The following DROSHA variants were observed in gnomAD, a reference collection of about 807,000 sequenced individuals.
The protein encoded by DROSHA is drosha ribonuclease III, also known as ribonuclease 3.
In DROSHA, 56 loss-of-function variants were observed where a neutral mutation model predicts 181.9. The ratio of observed to expected loss-of-function variants is 0.31; its 90% confidence interval spans 0.25 to 0.38. The LOEUF (loss-of-function observed/expected upper bound fraction) is 0.38. Ranked by LOEUF, DROSHA falls within the 10% of genes least tolerant of loss-of-function variation. DROSHA has a pLI of 1.00. For missense variants in DROSHA, 1,218 were observed against 1,743.5 expected (o/e 0.70, Z 5.37); for synonymous variants, 524 against 591.2 (o/e 0.89, Z 1.65).
Position 31,435,748 on chromosome 5 carries a change from G to C in DROSHA, c.3042+17C>G, listed in dbSNP as rs369720521. ...CATGTCAGACGTAACTACAAATGCT[G>C]CAGATGTCTTCTATACCTTTGCTAG... is the stretch of plus-strand genomic sequence containing the variant. On this transcript the variant is annotated intron_variant, in intron 25 of 35. Transcript: ENST00000344624. 7.2e-5 allele frequency: 116 copies of C among 1,608,290 alleles called. No homozygotes were observed. In the African/African-American group the frequency reaches 1.4e-3, roughly 19 times the overall value.
intron 27 of DROSHA, 36 bp from the exon 28 acceptor site, chr5:31,424,507 A>C: frequency 6.4e-7 from 1 of 1,573,014 alleles, no homozygotes; most frequent in Non-Finnish European, 8.6e-7. Context: ...TGCTCAAGGG[A>C]GCCATTTAAC....
intron 20 of DROSHA, 113 bp downstream of exon 20, chr5:31,464,123 G>C (rs1748746873): frequency 1.1e-6 from 1 of 869,812 alleles, no homozygotes; most frequent in South Asian, 1.7e-5. Context: ...ATTCCATTTA[G>C]TCTCAAGGTA....
At chr5:31,415,066 A>T (rs528897669) in intron 30 of DROSHA, among the ~76,000 whole-genome samples, 12 of 152,368 alleles carry the variant, frequency 7.9e-5, no homozygotes, top group African/African-American at 2.2e-4. Context: ...CCAGCATAGC[A>T]GTCTTTCATC....
At chr5:31,427,753 C>T (rs1031285330) in intron 27 of DROSHA, among the ~76,000 whole-genome samples, 11 of 152,154 alleles carry the variant, frequency 7.2e-5, no homozygotes, top group Non-Finnish European at 1.0e-4. Flanking sequence ...CAGGTTTGTC[C>T]CTGGCTGTCT....
chr5:31,439,109 AATG>A (rs1290597038), intron 23 of DROSHA, among the ~76,000 whole-genome samples: 1 of 152,190 alleles, frequency 6.6e-6, no homozygotes, highest in African/African-American at 2.4e-5. Flanking sequence ...AGGCTGGAGA[AATG>A]ATAAGTTGTA....
chr5:31,424,331 CA>C, intron 28 of DROSHA, 95 bp downstream of exon 28: 1 of 1,463,098 alleles, frequency 6.8e-7, no homozygotes, highest in Non-Finnish European at 9.3e-7. Context: ...CGAAGAGAAT[CA>C]AAAGATAAAA....
intron 16 of DROSHA, among the ~76,000 whole-genome samples, chr5:31,472,867 A>G (rs530600205): frequency 1.3e-5 from 2 of 152,366 alleles, no homozygotes; most frequent in East Asian, 1.9e-4. Flanking sequence ...CACCAAGTAC[A>G]GGGGATAAAA....
rs901825472 is a variant in DROSHA, at chr5:31,514,853, AGCCCAGAGATGCC to A, written c.1290+122_1290+134del. 4.1e-5 allele frequency: 31 copies of A among 752,342 alleles called. No individual in the cohort carries two copies. Among genetic ancestry groups the A allele is most frequent in the Non-Finnish European group, 6.1e-5 (29 of 472,560 alleles). 46.6% of individuals were successfully genotyped at this position (752,342 alleles called of 1,614,324 possible). A position where few individuals can be genotyped will look rare whatever the true frequency, so the allele number is the denominator to read the frequency against. ...GGTACTACTGGCATCTAACAGGTAG[AGCCCAGAGATGCC>A]GCTAAACATCCTACAATGCATAGGG... On this transcript the variant is annotated intron_variant, in intron 8 of 35. Transcript: ENST00000344624. The surrounding 1 kb of genome is among the most constrained non-coding windows in gnomAD (Gnocchi z 4.4).
intron 20 of DROSHA, among the ~76,000 whole-genome samples, chr5:31,453,673 C>T (rs1747300207): frequency 6.6e-6 from 1 of 152,120 alleles, no homozygotes; most frequent in South Asian, 2.1e-4. Context: ...TCATGTAAAA[C>T]AGCTTTGAAT....
chr5:31,508,751 T>A lies in DROSHA; in HGVS notation c.1457A>T (p.Glu486Val), dbSNP rs1011317643. Residue 486 changes from glutamate to valine, a missense_variant, in exon 10 of 36, where the codon GAG becomes GTG. By Grantham distance (121) the Glu-to-Val change is moderately radical (BLOSUM62 -2). Coordinates refer to ENST00000344624, the MANE Select transcript of DROSHA (RefSeq NM_001382508.1). ...AGAACAGGTGCTGTCCTCATCAGAC[T>A]CACACTCGGATTCACTGGAACTCTC... Reference protein sequence around the residue: ...DLESSSESECESDEDSTCSSS... With the variant: ...DLESSSESECVSDEDSTCSSS... 3 of 1,613,720 alleles carry A rather than the reference T, an allele frequency of 1.9e-6. No individual in the cohort carries two copies. Among genetic ancestry groups the A allele is most frequent in the Non-Finnish European group, 8.5e-7 (1 of 1,179,834 alleles).
At chr5:31,486,639 C>G in intron 13 of DROSHA, 77 bp from the exon 14 acceptor site, 1 of 1,307,196 alleles carries the variant, frequency 7.6e-7, no homozygotes, top group Non-Finnish European at 1.1e-6. Flanking sequence ...GTTACCTGAC[C>G]CAAAAGGCCA....
intron 7 of DROSHA, 106 bp downstream of exon 7, chr5:31,515,348 T>C: frequency 8.7e-7 from 1 of 1,147,500 alleles, no homozygotes. Context: ...GTGTGTACTT[T>C]TGTTAAACCA....
intron 33 of DROSHA, among the ~76,000 whole-genome samples, chr5:31,407,360 CCACATCTGAATGCTTT>C (rs1482778757): frequency 6.6e-6 from 1 of 152,160 alleles, no homozygotes; most frequent in Non-Finnish European, 1.5e-5. Context: ...ACACTTCAAG[CCACATCTGAATGCTTT>C]CACATCCTTT....
At chr5:31,444,369 G>A (rs1746007251) in intron 23 of DROSHA, among the ~76,000 whole-genome samples, 1 of 152,134 alleles carries the variant, frequency 6.6e-6, no homozygotes, top group African/African-American at 2.4e-5. Context: ...AATGTCAAAG[G>A]ACAAGAGAGA....
At chr5:31,439,144 C>T (rs1745238177) in intron 23 of DROSHA, among the ~76,000 whole-genome samples, 1 of 152,170 alleles carries the variant, frequency 6.6e-6, no homozygotes, top group Admixed American at 6.5e-5. Flanking sequence ...AACAGCCCTC[C>T]CATACCCATG....
At chr5:31,526,028 C>T in intron 5 of DROSHA, 51 bp downstream of exon 5, 1 of 1,481,062 alleles carries the variant, frequency 6.8e-7, no homozygotes, top group South Asian at 1.4e-5. Context: ...TGGAGAATGA[C>T]CGTGCCTGGG....
At chr5:31,458,366 T>C (rs977730666) in intron 20 of DROSHA, among the ~76,000 whole-genome samples, 1 of 152,218 alleles carries the variant, frequency 6.6e-6, no homozygotes, top group Non-Finnish European at 1.5e-5. Context: ...TTGTATGTTA[T>C]GGAATAAATC....
chr5:31,515,397 C>A, intron 7 of DROSHA, 57 bp downstream of exon 7: 1 of 1,049,836 alleles, frequency 9.5e-7, no homozygotes, highest in South Asian at 1.5e-5. Flanking sequence ...TCAGAATCAC[C>A]TGAAGTTTAC....
intron 24 of DROSHA, among the ~76,000 whole-genome samples, 167 bp from the exon 25 acceptor site, chr5:31,436,031 T>C (rs1744741855): frequency 6.6e-6 from 1 of 152,196 alleles, no homozygotes; most frequent in South Asian, 2.1e-4. Context: ...GTAAGAACAG[T>C]ATATCTGAAT....
Sources: gnomAD v4.1 joint callset for allele counts (sites outside exome capture counted in the v4.1 genomes callset) on GRCh38, gnomAD v4.1.1 for gene constraint, Gnocchi (gnomAD v3.1) non-coding constraint, MANE v1.5 for transcripts, NCBI Gene and HGNC (gene_info 2026-07-23, HGNC 2026-07-21) for gene names.